The following NKAIN2 variants were observed in gnomAD, a reference collection of about 807,000 sequenced individuals.
The protein encoded by NKAIN2 is sodium/potassium-transporting ATPase subunit beta-1-interacting protein 2.
In NKAIN2, 14 loss-of-function variants were observed where a neutral mutation model predicts 32.6. The ratio of observed to expected loss-of-function variants is 0.43; its 90% CI spans 0.28 to 0.67. The LOEUF (loss-of-function observed/expected upper bound fraction) is 0.67, where lower values mean the gene tolerates loss of function less well. Among genes scored for constraint, NKAIN2 ranks in the 30% least tolerant of loss-of-function variants. The probability of loss-of-function intolerance (pLI) is 0.17; values close to 1 mark genes in which losing one functional copy is unlikely to be tolerated. For synonymous variants in NKAIN2, 80 were observed against 87.2 expected, an observed-to-expected ratio of 0.92 and a Z score of 0.46; for missense variants, 198 against 258.3, an observed-to-expected ratio of 0.77 and a Z score of 1.60.
intron 1 of NKAIN2, among the ~76,000 whole-genome samples, chr6:124,196,363 C>T (rs1022030702): frequency 2.6e-5 from 4 of 152,180 alleles, no homozygotes; most frequent in Middle Eastern, 3.4e-3. Context: ...AATAACTCTA[C>T]AGACAAGAAG....
At chr6:124,340,983 T>C (rs1201325634) in intron 2 of NKAIN2, among the ~76,000 whole-genome samples, 1 of 152,160 alleles carries the variant, frequency 6.6e-6, no homozygotes, top group Non-Finnish European at 1.5e-5. Context: ...ATTGAATACC[T>C]TTGGTATACT....
intron 3 of NKAIN2, among the ~76,000 whole-genome samples, chr6:124,410,265 A>G (rs189369534): frequency 0.035 from 5,245 of 151,886 alleles, 137 homozygotes; most frequent in Non-Finnish European, 0.057. Flanking sequence ...TTGCTTCTCT[A>G]GTTCTTTTAA....
intron 1 of NKAIN2, among the ~76,000 whole-genome samples, chr6:124,243,657 A>G (rs1349039096): frequency 2.0e-5 from 3 of 152,022 alleles, no homozygotes; most frequent in Non-Finnish European, 4.4e-5. Flanking sequence ...GTTTTGTAGT[A>G]ATTATGTGTG....
intron 4 of NKAIN2, among the ~76,000 whole-genome samples, chr6:124,763,008 G>T (rs917233814): frequency 6.6e-6 from 1 of 152,146 alleles, no homozygotes; most frequent in Non-Finnish European, 1.5e-5. Flanking sequence ...GTTGAAAATG[G>T]GTAAACCTGG....
intron 3 of NKAIN2, among the ~76,000 whole-genome samples, chr6:124,360,279 G>A (rs1007388773): frequency 5.3e-5 from 8 of 152,058 alleles, no homozygotes; most frequent in African/African-American, 1.9e-4. Flanking sequence ...GGATGATGCT[G>A]GCCTCATAAA....
intron 1 of NKAIN2, among the ~76,000 whole-genome samples, chr6:124,047,371 C>T (rs1421603588): frequency 1.3e-5 from 2 of 151,750 alleles, no homozygotes; most frequent in South Asian, 2.1e-4. Context: ...GTATGGTTTT[C>T]GTATGTCTAT....
At chr6:124,031,463 G>C (rs1225123663) in intron 1 of NKAIN2, among the ~76,000 whole-genome samples, 1 of 152,074 alleles carries the variant, frequency 6.6e-6, no homozygotes, top group Non-Finnish European at 1.5e-5. Flanking sequence ...TTTTGAATGT[G>C]TTTGCTCTTG....
At chr6:123,938,175 T>A (rs985188890) in intron 1 of NKAIN2, among the ~76,000 whole-genome samples, 6 of 151,738 alleles carry the variant, frequency 4.0e-5, no homozygotes, top group African/African-American at 1.5e-4. Context: ...TAAGATTTCA[T>A]GGCTTAGAAT....
At chr6:124,222,447 C>A (rs1166364355) in intron 1 of NKAIN2, among the ~76,000 whole-genome samples, 3 of 151,968 alleles carry the variant, frequency 2.0e-5, no homozygotes, top group Admixed American at 2.0e-4. Flanking sequence ...GGGTTGGGAG[C>A]ATTGGTAGGT....
chr6:124,427,137 T>C (rs1562177649), intron 3 of NKAIN2, among the ~76,000 whole-genome samples: 1 of 152,218 alleles, frequency 6.6e-6, no homozygotes, highest in Admixed American at 6.5e-5. Flanking sequence ...ATAACACATA[T>C]CTTGGATGTT....
intron 4 of NKAIN2, among the ~76,000 whole-genome samples, chr6:124,702,458 A>C (rs1774842137): frequency 6.6e-6 from 1 of 152,136 alleles, no homozygotes; most frequent in Non-Finnish European, 1.5e-5. Flanking sequence ...ATGAACAGCC[A>C]GCAAATTCTT....
intron 1 of NKAIN2, among the ~76,000 whole-genome samples, chr6:123,997,491 C>G (rs1453236280): frequency 1.3e-5 from 2 of 151,886 alleles, no homozygotes; most frequent in Non-Finnish European, 2.9e-5. Flanking sequence ...TAGGAAATCA[C>G]TGAGACAGCC....
At chr6:124,577,846 A>T (rs1431120394) in intron 3 of NKAIN2, among the ~76,000 whole-genome samples, 3 of 152,170 alleles carry the variant, frequency 2.0e-5, no homozygotes, top group Admixed American at 1.3e-4. Flanking sequence ...AGAGGACTTT[A>T]TCTTGCAACT....
chr6:124,761,188 CTTG>C (rs903328749), intron 4 of NKAIN2, among the ~76,000 whole-genome samples: 3 of 152,234 alleles, frequency 2.0e-5, no homozygotes, highest in African/African-American at 7.2e-5. Context: ...ACTTTCAAAC[CTTG>C]TTATTAATTA....
intron 1 of NKAIN2, among the ~76,000 whole-genome samples, chr6:123,893,555 T>G (rs1236180626): frequency 6.6e-6 from 1 of 152,210 alleles, no homozygotes; most frequent in Non-Finnish European, 1.5e-5. Flanking sequence ...CTGGTCTTGT[T>G]GATCCACTCA....
intron 1 of NKAIN2, among the ~76,000 whole-genome samples, chr6:123,989,631 G>T (rs1006898025): frequency 3.3e-5 from 5 of 152,050 alleles, no homozygotes; most frequent in Admixed American, 2.6e-4. Flanking sequence ...TTAAGTTTTT[G>T]CTTTGATAAT....
At chr6:124,148,404 T>C (rs1168546817) in intron 1 of NKAIN2, among the ~76,000 whole-genome samples, 1 of 152,106 alleles carries the variant, frequency 6.6e-6, no homozygotes, top group Non-Finnish European at 1.5e-5. Flanking sequence ...ATTCCTTCCT[T>C]ATCTCCCCCC....
At chr6:123,887,215 G>C (rs1035927451) in intron 1 of NKAIN2, among the ~76,000 whole-genome samples, 3 of 151,892 alleles carry the variant, frequency 2.0e-5, no homozygotes, top group Non-Finnish European at 2.9e-5. Flanking sequence ...TCAGTACTTT[G>C]CCTCTAAGCT....
chr6:123,971,374 T>G (rs1336086118), intron 1 of NKAIN2, among the ~76,000 whole-genome samples: 1 of 151,912 alleles, frequency 6.6e-6, no homozygotes, highest in Admixed American at 6.6e-5. Context: ...TATAACTGCC[T>G]TGTATTTTAA....
Sources: gnomAD v4.1 joint callset for allele counts (sites outside exome capture counted in the v4.1 genomes callset) on GRCh38, gnomAD v4.1.1 for gene constraint, MANE v1.5 for transcripts, NCBI Gene and HGNC (gene_info 2026-07-23, HGNC 2026-07-21) for gene names.